Variants in LIG1 observed in about 807,000 individuals in gnomAD.
LIG1 encodes ligase I, DNA, ATP-dependent.
Under a neutral mutation model 115.7 loss-of-function variants are expected in LIG1, and 70 were observed. The ratio of observed to expected loss-of-function variants is 0.60; its 90% confidence interval spans 0.50 to 0.74. The LOEUF is 0.74. LIG1 is among the 30% of genes least tolerant of loss of function. The probability of loss-of-function intolerance (pLI) is 0.00; values close to 1 mark genes in which losing one functional copy is unlikely to be tolerated. For synonymous variants in LIG1, 487 were observed against 495.3 expected (o/e 0.98, Z 0.22); for missense variants, 1,115 against 1,225.6 (o/e 0.91, Z 1.35).
chr19:48,127,307 G>A lies in LIG1; in HGVS notation c.1974C>T (p.Tyr658=), dbSNP rs149433913. ...CATTGAGGTAGATGAGGTCGAAGGCGTACAAACACACCTGCACCTGGATCT... is the reference window on the plus strand; with the variant it reads ...CATTGAGGTAGATGAGGTCGAAGGCATACAAACACACCTGCACCTGGATCT... ...ASEIQVQVCL[Y]AFDLIYLNGE... Residue 658 remains tyrosine, a synonymous_variant, in exon 21 of 28, where the codon TAC becomes TAT. Coordinates refer to ENST00000263274, the MANE Select transcript of LIG1 (RefSeq NM_000234.3). The A allele has an allele frequency of 1.7e-5, 27 of 1,613,790 alleles. No homozygotes were observed. The highest frequency in any genetic ancestry group is 1.6e-4 in the Middle Eastern group (1 of 6,062).
intron 11 of LIG1, among the ~76,000 whole-genome samples, chr19:48,140,632 A>T (rs1298498906): frequency 2.6e-5 from 4 of 152,182 alleles, no homozygotes; most frequent in Non-Finnish European, 5.9e-5. Context: ...TCCTGGGGAT[A>T]ACATCACTAC....
chr19:48,120,014 T>C (rs1423470465), intron 24 of LIG1, among the ~76,000 whole-genome samples: 1 of 152,272 alleles, frequency 6.6e-6, no homozygotes, highest in Non-Finnish European at 1.5e-5. Context: ...GGATTCTTTT[T>C]GCCTTTTGTC....
At chr19:48,118,588 G>C (rs570980157) in intron 25 of LIG1, 1 of 146,652 alleles carries the variant, frequency 6.8e-6, no homozygotes, top group African/African-American at 2.6e-5. Flanking sequence ...TCCCAGGCTG[G>C]AGTGCAATGG....
Position 48,151,356 on chromosome 19 carries a change from C to A in LIG1, c.467-17G>T. Reference sequence around the variant, plus strand: ...TCTCCTCTTCTGACGATAGACAGAACGGTCAGATGGCAAAAAAATCCCATT... The same window carrying A: ...TCTCCTCTTCTGACGATAGACAGAAAGGTCAGATGGCAAAAAAATCCCATT... On this transcript the variant is annotated splice_polypyrimidine_tract_variant and intron_variant, in intron 6 of 27. Coordinates refer to ENST00000263274, the MANE Select transcript of LIG1 (RefSeq NM_000234.3). 4 of 1,498,328 alleles carry A rather than the reference C, an allele frequency of 2.7e-6. No homozygotes were observed. Among genetic ancestry groups the A allele is most frequent in the Non-Finnish European group, 3.7e-6 (4 of 1,074,360 alleles). The allele number at this position is 1,498,328 out of a possible 1,614,324, so 92.8% of individuals were successfully genotyped here.
rs979227267 is a variant in LIG1, at chr19:48,137,940, C to G, written c.1088-252G>C. The G allele has an allele frequency of 5.1e-6, 3 of 584,402 alleles. No individual in the cohort carries two copies. Among genetic ancestry groups the G allele is most frequent in the Non-Finnish European group, 9.3e-6 (3 of 322,582 alleles). The allele number at this position is 584,402 out of a possible 1,614,324, so 36.2% of individuals were successfully genotyped here. A position where few individuals can be genotyped will look rare whatever the true frequency, so the allele number is the denominator to read the frequency against. On this transcript the variant is annotated intron_variant, in intron 12 of 27. Coordinates refer to ENST00000263274, the MANE Select transcript of LIG1 (RefSeq NM_000234.3). This position sits in a 1 kb window ranked among gnomAD's most constrained non-coding sequence, Gnocchi z 4.3. ...CGGTGGATGAACGAGCATGACCACACTCAGGGGAGACATCTGGGCCGGTGT... is the reference window on the plus strand; with the variant it reads ...CGGTGGATGAACGAGCATGACCACAGTCAGGGGAGACATCTGGGCCGGTGT...
In LIG1 at chr19:48,131,134, C is replaced by T. The variant is rs1190090780; in HGVS notation, c.1763G>A (p.Ser588Asn). 6.2e-7 allele frequency: 1 copy of T among 1,614,066 alleles called. No homozygotes were observed. The highest frequency in any genetic ancestry group is 8.5e-7 in the Non-Finnish European group (1 of 1,180,044). ...CCCAGTGTTGTCTTCCTGATTCCTGCTGAAGATCTTCACCTCCCCGCCTTC... is the reference window on the plus strand; with the variant it reads ...CCCAGTGTTGTCTTCCTGATTCCTGTTGAAGATCTTCACCTCCCCGCCTTC... Reference protein sequence around the residue: ...ALEGGEVKIFSRNQEDNTGKY... With the variant: ...ALEGGEVKIFNRNQEDNTGKY... The change falls in exon 19 of 28, where the codon AGC becomes AAC. Residue 588 changes from serine (S) to asparagine (N), a missense_variant. Transcript: ENST00000263274.
At chr19:48,163,071 C>T (rs546742873) in intron 2 of LIG1, among the ~76,000 whole-genome samples, 10 of 151,708 alleles carry the variant, frequency 6.6e-5, no homozygotes, top group African/African-American at 1.5e-4. Flanking sequence ...CCCACCACAA[C>T]GCCCAGCTAA....
chr19:48,119,012 GCTGCCCTC>G, intron 25 of LIG1, 117 bp downstream of exon 25: 1 of 750,564 alleles, frequency 1.3e-6, no homozygotes, highest in Non-Finnish European at 2.3e-6. Flanking sequence ...TCCACTGCCT[GCTGCCCTC>G]CTGCCCACAC....
At chr19:48,152,207 C>T (rs2035522808) in intron 6 of LIG1, among the ~76,000 whole-genome samples, 1 of 152,172 alleles carries the variant, frequency 6.6e-6, no homozygotes, top group Admixed American at 6.5e-5. Flanking sequence ...ACTGCAACCT[C>T]CACCTCCCAG....
At chr19:48,136,784 G>A (rs563161337) in intron 14 of LIG1, among the ~76,000 whole-genome samples, 1 of 152,330 alleles carries the variant, frequency 6.6e-6, no homozygotes, top group South Asian at 2.1e-4. Context: ...TTCACCCACA[G>A]GGGCCCAGGG....
intron 4 of LIG1, among the ~76,000 whole-genome samples, chr19:48,158,777 C>A (rs982612453): frequency 1.3e-5 from 2 of 152,206 alleles, no homozygotes; most frequent in Non-Finnish European, 2.9e-5. Context: ...GCATCTCCCA[C>A]CCAGTGCTCC....
At chr19:48,157,544 T>TTTTA (rs766203249) in intron 4 of LIG1, among the ~76,000 whole-genome samples, 4 of 152,006 alleles carry the variant, frequency 2.6e-5, no homozygotes, top group East Asian at 1.9e-4. Context: ...ATAGTTTTAT[T>TTTTA]TTTATTTATT....
chr19:48,128,091 G>A, intron 19 of LIG1, 71 bp from the exon 20 acceptor site: 1 of 1,201,186 alleles, frequency 8.3e-7, no homozygotes, highest in Non-Finnish European at 1.2e-6. Context: ...AACACGGGGA[G>A]ATAAATTCCC....
At chr19:48,120,795 A>AT in intron 24 of LIG1, 2 of 479,566 alleles carry the variant, frequency 4.2e-6, no homozygotes, top group African/African-American at 4.2e-5. Context: ...GGCACATGGC[A>AT]GAAAAAAAAA....
chr19:48,155,708 C>A (rs1299614762), intron 5 of LIG1, among the ~76,000 whole-genome samples: 1 of 152,126 alleles, frequency 6.6e-6, no homozygotes, highest in African/African-American at 2.4e-5. Flanking sequence ...AGTATGATTC[C>A]AACATTCTGT....
chr19:48,149,011 T>G (rs768848996), intron 9 of LIG1, among the ~76,000 whole-genome samples: 9 of 152,112 alleles, frequency 5.9e-5, no homozygotes. Context: ...GCACATACAC[T>G]AAATCTGGTG....
intron 4 of LIG1, among the ~76,000 whole-genome samples, chr19:48,160,782 GAGTACAGT>G (rs1385475680): frequency 6.6e-6 from 1 of 151,666 alleles, no homozygotes; most frequent in African/African-American, 2.4e-5. Flanking sequence ...ACCCCGGCTG[GAGTACAGT>G]GGTACAATCA....
Position 48,137,385 on chromosome 19 carries a change from G to T in LIG1, c.1254+137C>A. On this transcript the variant is annotated intron_variant, in intron 13 of 27. Coordinates refer to ENST00000263274, the MANE Select transcript of LIG1 (RefSeq NM_000234.3). The surrounding 1 kb of genome is among the most constrained non-coding windows in gnomAD (Gnocchi z 4.3). The stretch of plus-strand genomic sequence containing the variant: ...CCCCTAGGATTGGGTGCAGGAAGGA[G>T]GAGAGGAAGCTGTGCACCCCATGAG... 2 of 1,120,226 alleles carry T rather than the reference G, an allele frequency of 1.8e-6. No individual in the cohort carries two copies. The highest frequency in any genetic ancestry group is 2.6e-6 in the Non-Finnish European group (2 of 775,786). 69.4% of individuals were successfully genotyped at this position (1,120,226 alleles called of 1,614,324 possible). A position where few individuals can be genotyped will look rare whatever the true frequency, so the allele number is the denominator to read the frequency against.
intron 11 of LIG1, among the ~76,000 whole-genome samples, chr19:48,142,227 G>A (rs1471996987): frequency 6.6e-6 from 1 of 151,952 alleles, no homozygotes; most frequent in Non-Finnish European, 1.5e-5. Context: ...CACGAGGTCA[G>A]GAGATCAAGA....
Sources: gnomAD v4.1 joint callset for allele counts (sites outside exome capture counted in the v4.1 genomes callset) on GRCh38, gnomAD v4.1.1 for gene constraint, Gnocchi (gnomAD v3.1) non-coding constraint, MANE v1.5 for transcripts, NCBI Gene and HGNC (gene_info 2026-07-23, HGNC 2026-07-21) for gene names.